RBFOX1: variants seen among roughly 807,000 people sequenced by gnomAD.
RBFOX1 encodes RNA binding fox-1 homolog 1.
RBFOX1 carries 8 observed loss-of-function variants against 57.7 expected under a neutral mutation model. The observed-to-expected ratio is 0.14, with a 90% CI of 0.08 to 0.25. The LOEUF is 0.25. Among genes scored for constraint, RBFOX1 ranks in the 10% least tolerant of loss-of-function variants. The pLI is 1.00. For synonymous variants in RBFOX1, 326 were observed against 222.4 expected (o/e 1.47, Z -4.15); for missense variants, 611 against 548.5 (o/e 1.11, Z -1.14).
At chr16:7,131,353 TTTTTTTTTTTTA>T (rs2070333275) in intron 4 of RBFOX1, among the ~76,000 whole-genome samples, 1 of 147,224 alleles carries the variant, frequency 6.8e-6, no homozygotes, top group African/African-American at 2.5e-5. Flanking sequence ...TTTTTTTTTT[TTTTTTTTTTTTA>T]AAAAAAAAAA....
chr16:7,113,776 C>A (rs1168622118), intron 4 of RBFOX1, among the ~76,000 whole-genome samples: 2 of 151,934 alleles, frequency 1.3e-5, no homozygotes, highest in Non-Finnish European at 2.9e-5. Flanking sequence ...TATATTTGCT[C>A]CCTTATTGAT....
chr16:7,141,474 G>A (rs573877782), intron 4 of RBFOX1, among the ~76,000 whole-genome samples: 1 of 152,258 alleles, frequency 6.6e-6, no homozygotes, highest in East Asian at 1.9e-4. Flanking sequence ...AAAATGCGCA[G>A]CAGTCAATGA....
intron 4 of RBFOX1, among the ~76,000 whole-genome samples, chr16:5,993,944 A>T (rs2060449265): frequency 6.6e-6 from 1 of 152,132 alleles, no homozygotes; most frequent in Non-Finnish European, 1.5e-5. Context: ...TGGATGCCTT[A>T]TTGGAAGCAC....
rs182668793 is a variant in RBFOX1, at chr16:5,310,928, T to C, written c.219+70823T>C. Reference sequence around the variant, plus strand: ...TGTGTAGAAGTGAAGTCTGAGATTTTAGTGCACCTATCACCTGAGTAGTGT... The same window carrying C: ...TGTGTAGAAGTGAAGTCTGAGATTTCAGTGCACCTATCACCTGAGTAGTGT... On this transcript the variant is annotated intron_variant, in intron 1 of 2. Coordinates refer to the RBFOX1 transcript ENST00000585867. Among the ~76,000 whole-genome samples the C allele has an allele frequency of 4.2e-3, 641 of 152,326 alleles. 8 individuals carry two copies. The highest frequency in any genetic ancestry group is 0.015 in the African/African-American group (612 of 41,574).
In RBFOX1 at chr16:7,564,540, C is replaced by CAAAAAAAAAAAAAAAA. The variant is rs5815409; in HGVS notation, c.271-15224_271-15209dup. 1.6e-4 allele frequency among the ~76,000 whole-genome samples: 13 copies of CAAAAAAAAAAAAAAAA among 82,518 alleles called. 1 individual carries two copies. Among genetic ancestry groups the CAAAAAAAAAAAAAAAA allele is most frequent in the African/African-American group, 1.2e-3 (13 of 10,458 alleles). 54.1% of individuals were successfully genotyped at this position (82,518 alleles called of 152,430 possible). A position where few individuals can be genotyped will look rare whatever the true frequency, so the allele number is the denominator to read the frequency against. On this transcript the variant is annotated intron_variant, in intron 5 of 15. Transcript: ENST00000550418. ...TGGCTGACAGAGCAAGACTCCATCT[C>CAAAAAAAAAAAAAAAA]AAAAAAAAAAAAAAAAAAAAAAAAA...
chr16:7,182,187 C>G (rs1271650284), intron 4 of RBFOX1, among the ~76,000 whole-genome samples: 1 of 152,096 alleles, frequency 6.6e-6, no homozygotes, highest in East Asian at 1.9e-4. Context: ...GGGTCAGAGA[C>G]TTTGGAGATT....
chr16:5,885,952 T>C (rs1452472403), intron 4 of RBFOX1, among the ~76,000 whole-genome samples: 1 of 152,174 alleles, frequency 6.6e-6, no homozygotes. Context: ...GATTGGGTTA[T>C]GTGGGTGGAT....
intron 5 of RBFOX1, among the ~76,000 whole-genome samples, chr16:7,521,965 C>T (rs987708884): frequency 2.0e-5 from 3 of 152,268 alleles, no homozygotes; most frequent in East Asian, 3.9e-4. Flanking sequence ...CCAGTCACCA[C>T]CTGTGAAAAG....
chr16:6,727,752 A>C (rs1279656387), intron 3 of RBFOX1, among the ~76,000 whole-genome samples: 2 of 152,164 alleles, frequency 1.3e-5, no homozygotes, highest in African/African-American at 4.8e-5. Context: ...TACCCTGCTG[A>C]GTTCAGTAGC....
intron 1 of RBFOX1, among the ~76,000 whole-genome samples, chr16:6,076,796 A>G (rs905774127): frequency 2.6e-5 from 4 of 152,196 alleles, no homozygotes; most frequent in Admixed American, 6.6e-5. Flanking sequence ...ATTCATCTAA[A>G]GGGTTCTTGG....
chr16:6,914,955 A>G (rs1307014514), intron 3 of RBFOX1, among the ~76,000 whole-genome samples: 1 of 152,230 alleles, frequency 6.6e-6, no homozygotes, highest in African/African-American at 2.4e-5. Flanking sequence ...AGTAAATCGG[A>G]TAGTGCCTGC....
At chr16:5,295,750 A>G (rs1266722339) in intron 1 of RBFOX1, among the ~76,000 whole-genome samples, 2 of 152,200 alleles carry the variant, frequency 1.3e-5, no homozygotes, top group Non-Finnish European at 2.9e-5. Flanking sequence ...CCTCTGCCAT[A>G]TGCCATATTC....
chr16:5,969,325 G>T (rs28579336), intron 4 of RBFOX1, among the ~76,000 whole-genome samples: 119,111 of 120,674 alleles, frequency 0.99, 58,779 homozygotes, highest in Middle Eastern at 0.99. Context: ...TTTTTTTTTG[G>T]TTTGGAAATG....
chr16:6,443,584 G>A (rs1363887921), intron 2 of RBFOX1, among the ~76,000 whole-genome samples: 2 of 152,074 alleles, frequency 1.3e-5, no homozygotes, highest in Admixed American at 1.3e-4. Context: ...CTCTCCCACT[G>A]GTAAACGATG....
At chr16:6,570,405 G>A (rs2097328810) in intron 2 of RBFOX1, among the ~76,000 whole-genome samples, 1 of 152,102 alleles carries the variant, frequency 6.6e-6, no homozygotes, top group South Asian at 2.1e-4. Context: ...ATGAAAGATA[G>A]AAGAAGTACA....
intron 4 of RBFOX1, among the ~76,000 whole-genome samples, chr16:5,952,920 A>C (rs1004485323): frequency 7.2e-5 from 11 of 152,172 alleles, no homozygotes; most frequent in African/African-American, 2.7e-4. Context: ...AGGATCAAGA[A>C]TCTTTTTATT....
At chr16:6,144,569 C>A (rs1465381650) in intron 1 of RBFOX1, among the ~76,000 whole-genome samples, 1 of 152,206 alleles carries the variant, frequency 6.6e-6, no homozygotes, top group African/African-American at 2.4e-5. Flanking sequence ...TTTCTGATAG[C>A]ATCCCATGTA....
At chr16:6,708,347 G>T (rs7204545) in intron 3 of RBFOX1, among the ~76,000 whole-genome samples, 1 of 151,914 alleles carries the variant, frequency 6.6e-6, no homozygotes, top group Non-Finnish European at 1.5e-5. Context: ...CAACTACCTT[G>T]AGACCATCTT....
intron 14 of RBFOX1, among the ~76,000 whole-genome samples, chr16:7,698,901 A>G (rs1385525638): frequency 6.6e-6 from 1 of 152,178 alleles, no homozygotes. Flanking sequence ...ATTTGTGAAA[A>G]TTAAAGATGT....
Sources: gnomAD v4.1 joint callset for allele counts (sites outside exome capture counted in the v4.1 genomes callset) on GRCh38, gnomAD v4.1.1 for gene constraint, MANE v1.5 for transcripts, NCBI Gene and HGNC (gene_info 2026-07-23, HGNC 2026-07-21) for gene names.